Variants in GRM8 observed in about 807,000 individuals in gnomAD.
GRM8 encodes metabotropic glutamate receptor 8.
Under a neutral mutation model 87.2 loss-of-function variants are expected in GRM8, and 47 were observed. The observed-to-expected ratio is 0.54, with a 90% CI of 0.43 to 0.69. The LOEUF (loss-of-function observed/expected upper bound fraction) is 0.69, where lower values mean the gene tolerates loss of function less well. Ranked by LOEUF, GRM8 falls within the 30% of genes least tolerant of loss-of-function variation. The pLI is 0.00. For missense variants in GRM8, 1,019 were observed against 1,139.2 expected (o/e 0.89, Z 1.52); for synonymous variants, 396 against 404.5 (o/e 0.98, Z 0.25).
chr7:127,068,556 A>T (rs1228903989), intron 3 of GRM8, among the ~76,000 whole-genome samples: 1 of 152,238 alleles, frequency 6.6e-6, no homozygotes, highest in Non-Finnish European at 1.5e-5. Context: ...ACTGGGGCAC[A>T]CATGGAGAAG....
chr7:126,952,331 C>T (rs1165353462), intron 3 of GRM8, among the ~76,000 whole-genome samples: 1 of 151,940 alleles, frequency 6.6e-6, no homozygotes, highest in African/African-American at 2.4e-5. Context: ...AGAAAGACAG[C>T]TCTTCCATGG....
At chr7:126,774,085 A>C (rs1207121964) in intron 6 of GRM8, among the ~76,000 whole-genome samples, 3 of 152,302 alleles carry the variant, frequency 2.0e-5, no homozygotes, top group Non-Finnish European at 2.9e-5. Context: ...CACTGTAAGA[A>C]TCTCCCCATA....
intron 6 of GRM8, among the ~76,000 whole-genome samples, chr7:126,900,036 T>C (rs1179233579): frequency 6.6e-6 from 1 of 152,134 alleles, no homozygotes; most frequent in Non-Finnish European, 1.5e-5. Flanking sequence ...GCATTCTCAG[T>C]GTCCTTTCCT....
intron 3 of GRM8, among the ~76,000 whole-genome samples, chr7:126,929,091 G>A (rs2254260): frequency 0.78 from 118,172 of 152,162 alleles, 46,364 homozygotes; most frequent in East Asian, 0.97. Context: ...GGAGGAAAAC[G>A]AAAGGAACAA....
intron 2 of GRM8, among the ~76,000 whole-genome samples, chr7:127,126,496 G>A (rs1827379458): frequency 6.6e-6 from 1 of 151,882 alleles, no homozygotes; most frequent in Non-Finnish European, 1.5e-5. Flanking sequence ...AATGGGGTGG[G>A]TGATGAAAAA....
intron 7 of GRM8, among the ~76,000 whole-genome samples, chr7:126,637,390 A>T (rs1305812283): frequency 6.6e-6 from 1 of 152,184 alleles, no homozygotes; most frequent in Non-Finnish European, 1.5e-5. Context: ...TGGTTGTTCA[A>T]CAAGGTGAAT....
chr7:126,927,372 A>C (rs1338990678), intron 3 of GRM8, among the ~76,000 whole-genome samples: 1 of 152,154 alleles, frequency 6.6e-6, no homozygotes, highest in Admixed American at 6.5e-5. Flanking sequence ...CCTGGCTTAA[A>C]GTAATCCTCC....
chr7:127,232,819 C>G (rs1797768467), intron 2 of GRM8, among the ~76,000 whole-genome samples: 1 of 152,034 alleles, frequency 6.6e-6, no homozygotes, highest in Non-Finnish European at 1.5e-5. Context: ...GAAAAAGGTA[C>G]TATTATTAAC....
At chr7:127,105,098 A>T (rs1193235948) in intron 3 of GRM8, among the ~76,000 whole-genome samples, 1 of 152,206 alleles carries the variant, frequency 6.6e-6, no homozygotes, top group Non-Finnish European at 1.5e-5. Flanking sequence ...TGCTTAAATA[A>T]TACATTAACC....
At chr7:126,838,474 A>G (rs1795995188) in intron 6 of GRM8, among the ~76,000 whole-genome samples, 1 of 152,228 alleles carries the variant, frequency 6.6e-6, no homozygotes, top group South Asian at 2.1e-4. Context: ...CAAAGACATT[A>G]AAGAAGTGAT....
intron 2 of GRM8, among the ~76,000 whole-genome samples, chr7:127,136,374 G>A (rs879837589): frequency 3.3e-5 from 5 of 152,116 alleles, no homozygotes; most frequent in African/African-American, 7.2e-5. Flanking sequence ...AATAGCTCAC[G>A]TTATGGCAGA....
chr7:127,041,327 A>C (rs1395483345), intron 3 of GRM8, among the ~76,000 whole-genome samples: 1 of 152,178 alleles, frequency 6.6e-6, no homozygotes, highest in Admixed American at 6.5e-5. Flanking sequence ...GTGCAGGGTA[A>C]CGTTTAGGCA....
chr7:127,013,216 A>G (rs1815070607), intron 3 of GRM8, among the ~76,000 whole-genome samples: 1 of 152,188 alleles, frequency 6.6e-6, no homozygotes, highest in South Asian at 2.1e-4. Flanking sequence ...GCTGGAGCAG[A>G]GAGGCGGCCA....
rs1798925782 is a variant in GRM8, at chr7:127,252,464, G to C, written c.-312+333C>G. 6.6e-6 allele frequency: 1 copy of C among 152,482 alleles called. No homozygotes were observed. The highest frequency in any genetic ancestry group is 1.5e-5 in the Non-Finnish European group (1 of 68,336). The allele number at this position is 152,482 out of a possible 1,614,324, so 9.4% of individuals were successfully genotyped here. On this transcript the variant is annotated intron_variant, in intron 1 of 10. Coordinates refer to ENST00000339582, the MANE Select transcript of GRM8 (RefSeq NM_000845.3). The surrounding 1 kb of genome is among the most constrained non-coding windows in gnomAD (Gnocchi z 4.9). ...ACACCCAATCAAGCTCCAATGCCCG[G>C]CCAGCCCCTCGCCCCCTGGTGCCCA...
intron 3 of GRM8, among the ~76,000 whole-genome samples, chr7:127,055,679 A>ACACACT (rs1478686256): frequency 6.6e-6 from 1 of 152,016 alleles, no homozygotes; most frequent in Non-Finnish European, 1.5e-5. Flanking sequence ...ACACACACAC[A>ACACACT]CACTCACATA....
At chr7:126,832,202 A>G (rs1795457357) in intron 6 of GRM8, among the ~76,000 whole-genome samples, 1 of 151,898 alleles carries the variant, frequency 6.6e-6, no homozygotes, top group Non-Finnish European at 1.5e-5. Flanking sequence ...GAAAAGATAA[A>G]GAAAGAAAAG....
intron 6 of GRM8, among the ~76,000 whole-genome samples, chr7:126,803,158 G>A (rs1822920735): frequency 6.6e-6 from 1 of 152,170 alleles, no homozygotes; most frequent in Non-Finnish European, 1.5e-5. Context: ...GCTTTTCATT[G>A]TAAATGTTTT....
chr7:126,697,586 C>T (rs1475228551), intron 7 of GRM8, among the ~76,000 whole-genome samples: 1 of 152,070 alleles, frequency 6.6e-6, no homozygotes, highest in African/African-American at 2.4e-5. Flanking sequence ...CACATTAACA[C>T]ATCTCCCCAT....
At chr7:127,103,065 G>T (rs1825461794) in intron 3 of GRM8, among the ~76,000 whole-genome samples, 1 of 152,198 alleles carries the variant, frequency 6.6e-6, no homozygotes. Context: ...GTTTCACCAT[G>T]TTGGCCAGGC....
Sources: gnomAD v4.1 joint callset for allele counts (sites outside exome capture counted in the v4.1 genomes callset) on GRCh38, gnomAD v4.1.1 for gene constraint, Gnocchi (gnomAD v3.1) non-coding constraint, MANE v1.5 for transcripts, NCBI Gene and HGNC (gene_info 2026-07-23, HGNC 2026-07-21) for gene names.